Variants in WIPF2 observed in about 807,000 individuals in gnomAD.
WIPF2 encodes the protein WAS/WASL-interacting protein family member 2.
WIPF2 carries 23 observed loss-of-function variants against 38.8 expected under a neutral mutation model. The observed-to-expected ratio is 0.59, with a 90% CI of 0.43 to 0.84. WIPF2 has a LOEUF of 0.84. WIPF2 is among the 40% of genes least tolerant of loss of function. The pLI is 0.00. For missense variants in WIPF2, 574 were observed against 580.5 expected, an observed-to-expected ratio of 0.99 and a Z score of 0.11; for synonymous variants, 210 against 223.2, an observed-to-expected ratio of 0.94 and a Z score of 0.53.
chr17:40,256,016 C>T (rs2031714625), intron 1 of WIPF2, among the ~76,000 whole-genome samples: 1 of 149,788 alleles, frequency 6.7e-6, no homozygotes, highest in African/African-American at 2.5e-5. Flanking sequence ...ATTGCTGGGG[C>T]TCAGGAGTTC....
rs1049846971 is a variant in WIPF2 at position 40,234,251 on chromosome 17, C to T, written c.-70+14759C>T. On this transcript the variant is annotated intron_variant, in intron 1 of 7. Transcript: ENST00000323571. Reference sequence around the variant, plus strand: ...GTGTGGTGGCAAGTGCCTGTAGTCCCAGCTACTCGGGAGGCGCACGCCTGT... The same window carrying T: ...GTGTGGTGGCAAGTGCCTGTAGTCCTAGCTACTCGGGAGGCGCACGCCTGT... Among the ~76,000 whole-genome samples the T allele has an allele frequency of 4.0e-5, 6 of 151,866 alleles. No homozygotes were observed. The South Asian group carries it at 1.2e-3, about 32-fold the overall frequency.
Position 40,278,333 on chromosome 17 carries a change from C to A in WIPF2, c.*108C>A. The A allele has an allele frequency of 7.6e-7, 1 of 1,310,808 alleles. No individual in the cohort carries two copies. The highest frequency in any genetic ancestry group is 1.3e-5 in the South Asian group (1 of 78,122). The allele number at this position is 1,310,808 out of a possible 1,614,324, so 81.2% of individuals were successfully genotyped here. A position where few individuals can be genotyped will look rare whatever the true frequency, so the allele number is the denominator to read the frequency against. ...CATGAGAGCTCCTAACATGTTTCTC[C>A]AATGCAATCAAGCCCTAGACTCCAA... On this transcript the variant is annotated 3_prime_UTR_variant, in exon 8 of 8. Transcript: ENST00000323571.
rs1463365386 is a variant in WIPF2 at position 40,282,675 on chromosome 17, C to T, written c.*4450C>T. On this transcript the variant is annotated 3_prime_UTR_variant, in exon 8 of 8. Transcript: ENST00000323571. The stretch of plus-strand genomic sequence containing the variant: ...GGATGCCATGCAGCTTAATTAAAAC[C>T]TTGCTTAAAAACAAAAAGTGAAAAT... The T allele has an allele frequency of 6.6e-6, 1 of 152,132 alleles. No homozygotes were observed. The highest frequency in any genetic ancestry group is 1.9e-4 in the East Asian group (1 of 5,196). The allele number at this position is 152,132 out of a possible 1,614,324, so 9.4% of individuals were successfully genotyped here.
intron 6 of WIPF2, among the ~76,000 whole-genome samples, chr17:40,276,778 G>A (rs2032415881): frequency 6.6e-6 from 1 of 152,108 alleles, no homozygotes; most frequent in Admixed American, 6.6e-5. Flanking sequence ...GCCGGGTGAG[G>A]TGGTGGGCAC....
intron 1 of WIPF2, among the ~76,000 whole-genome samples, chr17:40,254,390 G>C (rs763578010): frequency 2.6e-5 from 4 of 152,040 alleles, no homozygotes; most frequent in Non-Finnish European, 4.4e-5. Flanking sequence ...TTACCATCTT[G>C]AACCTTTCTT....
At position 40,278,212 on chromosome 17, in the gene WIPF2, C is replaced by G; in HGVS notation, c.1310C>G (p.Pro437Arg). 4 of 1,613,824 alleles carry G rather than the reference C, an allele frequency of 2.5e-6. No homozygotes were observed. The highest frequency in any genetic ancestry group is 3.4e-6 in the Non-Finnish European group (4 of 1,179,912). Residue 437 changes from proline to arginine, a missense_variant, in exon 8 of 8, where the codon CCC (proline) becomes CGC (arginine). Coordinates refer to ENST00000323571, the MANE Select transcript of WIPF2 (RefSeq NM_133264.5). ...RAARGAPPLP[P>R]ILR ...GCCCGTGGAGCCCCACCTCTGCCAC[C>G]CATTCTCAGGTGAAGCCTGGCTTGG... is the stretch of plus-strand genomic sequence containing the variant.
At chr17:40,259,015 T>A (rs2031815672) in intron 2 of WIPF2, among the ~76,000 whole-genome samples, 1 of 117,624 alleles carries the variant, frequency 8.5e-6, no homozygotes. Context: ...TGAAACTCTG[T>A]CTCAAAAAAA....
intron 5 of WIPF2, among the ~76,000 whole-genome samples, chr17:40,269,622 T>A (rs1344461304): frequency 2.8e-5 from 4 of 141,272 alleles, no homozygotes; most frequent in Admixed American, 7.0e-5. Flanking sequence ...TTTTTTTTTT[T>A]GAGATGGAGT....
At chr17:40,236,937 A>T (rs2030995719) in intron 1 of WIPF2, among the ~76,000 whole-genome samples, 1 of 151,856 alleles carries the variant, frequency 6.6e-6, no homozygotes, top group African/African-American at 2.4e-5. Flanking sequence ...TTTGTATGGG[A>T]TCTGTGTTTT....
intron 7 of WIPF2, among the ~76,000 whole-genome samples, chr17:40,277,398 T>C (rs1177874978): frequency 1.3e-5 from 2 of 151,888 alleles, no homozygotes; most frequent in African/African-American, 4.8e-5. Context: ...AATACAAAAT[T>C]AGGCTGGGCG....
At chr17:40,228,635 C>CA (rs2030603752) in intron 1 of WIPF2, among the ~76,000 whole-genome samples, 1 of 144,850 alleles carries the variant, frequency 6.9e-6, no homozygotes, top group Non-Finnish European at 1.5e-5. Context: ...TTTTCTTGGT[C>CA]TTTTTTTTTT....
intron 1 of WIPF2, among the ~76,000 whole-genome samples, chr17:40,228,846 G>C (rs1052099153): frequency 6.6e-6 from 1 of 151,540 alleles, no homozygotes; most frequent in African/African-American, 2.4e-5. Flanking sequence ...TTGAACTCGG[G>C]CTTAAGCAGT....
chr17:40,252,035 C>T (rs1256878758), intron 1 of WIPF2, among the ~76,000 whole-genome samples: 2 of 152,084 alleles, frequency 1.3e-5, no homozygotes, highest in Non-Finnish European at 2.9e-5. Flanking sequence ...AGTGATCCTC[C>T]CTTCTTGGCC....
rs537496202 is a variant in WIPF2, at chr17:40,235,336, C to T, written c.-70+15844C>T. Reference sequence around the variant, plus strand: ...TTACAAAAGAAAAAAAATTTAGCGCCCAGTATAATGACTGTATCATTCGAT... The same window carrying T: ...TTACAAAAGAAAAAAAATTTAGCGCTCAGTATAATGACTGTATCATTCGAT... On this transcript the variant is annotated intron_variant, in intron 1 of 7. Coordinates refer to ENST00000323571, the MANE Select transcript of WIPF2 (RefSeq NM_133264.5). Among the ~76,000 whole-genome samples, 256 of 152,244 alleles carry T rather than the reference C, an allele frequency of 1.7e-3. 1 individual carries two copies. The highest frequency in any genetic ancestry group is 2.9e-3 in the Non-Finnish European group (200 of 68,024).
At chr17:40,236,671 C>T (rs1013994169) in intron 1 of WIPF2, among the ~76,000 whole-genome samples, 12 of 149,420 alleles carry the variant, frequency 8.0e-5, no homozygotes, top group East Asian at 2.0e-4. Context: ...TGCACTGGTG[C>T]GATCTCAGCT....
chr17:40,275,261 A>C (rs530542896), intron 6 of WIPF2, among the ~76,000 whole-genome samples: 2,188 of 148,670 alleles, frequency 0.015, 29 homozygotes, highest in Non-Finnish European at 0.023. Flanking sequence ...AAAAAAAAAA[A>C]CAAAACCCAA....
rs1265556939 is a variant in WIPF2, at chr17:40,236,641, C to T, written c.-70+17149C>T. Among the ~76,000 whole-genome samples, 6 of 148,012 alleles carry T rather than the reference C, an allele frequency of 4.1e-5. No homozygotes were observed. In the Admixed American group the frequency reaches 4.1e-4, roughly 10 times the overall value. ...TTTTTTTTTTTAAGACGGAGTCTCA[C>T]TCTGTCGCCCAGGCAGGAGTGCACT... On this transcript the variant is annotated intron_variant, in intron 1 of 7. Coordinates refer to ENST00000323571, the MANE Select transcript of WIPF2 (RefSeq NM_133264.5).
At position 40,241,725 on chromosome 17, in the gene WIPF2, C is replaced by T. The variant is rs759638437; in HGVS notation, c.-69-14666C>T. Among the ~76,000 whole-genome samples, 97 of 152,066 alleles carry T rather than the reference C, an allele frequency of 6.4e-4. 1 individual carries two copies. Among genetic ancestry groups the T allele is most frequent in the Non-Finnish European group, 7.6e-4 (52 of 68,020 alleles). The stretch of plus-strand genomic sequence containing the variant: ...CCTAATCTGCCTTGGGTTTATGCAG[C>T]GTCATTTTTGGAGATGTTGAAGCAC... On this transcript the variant is annotated intron_variant, in intron 1 of 7. Coordinates refer to ENST00000323571, the MANE Select transcript of WIPF2 (RefSeq NM_133264.5).
At chr17:40,221,249 C>T (rs1466294999) in intron 1 of WIPF2, among the ~76,000 whole-genome samples, 1 of 152,080 alleles carries the variant, frequency 6.6e-6, no homozygotes, top group African/African-American at 2.4e-5. Flanking sequence ...AGAAGAGAAC[C>T]ACAGGGAATA....
Sources: allele counts gnomAD v4.1 joint callset (sites outside exome capture counted in the v4.1 genomes callset), GRCh38; gene constraint gnomAD v4.1.1; transcripts MANE v1.5; gene names NCBI Gene and HGNC (gene_info 2026-07-23, HGNC 2026-07-21).